PHF14: variants seen among roughly 807,000 people sequenced by gnomAD.
PHF14 encodes the protein PHD finger protein 14.
Under a neutral mutation model 117.9 loss-of-function variants are expected in PHF14, and 55 were observed. The observed-to-expected ratio is 0.47, with a 90% CI of 0.38 to 0.58. The LOEUF (loss-of-function observed/expected upper bound fraction) is 0.58, where lower values mean the gene tolerates loss of function less well. PHF14 is among the 20% of genes least tolerant of loss of function. The probability of loss-of-function intolerance (pLI) is 0.00; values close to 1 mark genes in which losing one functional copy is unlikely to be tolerated. For synonymous variants in PHF14, 409 were observed against 368.6 expected (o/e 1.11, Z -1.26); for missense variants, 978 against 1,122.2 (o/e 0.87, Z 1.84).
intron 16 of PHF14, among the ~76,000 whole-genome samples, chr7:11,075,564 G>GTTTTTTTTTTT: frequency 9.1e-6 from 1 of 110,012 alleles, no homozygotes. Flanking sequence ...AAGGAAAGAG[G>GTTTTTTTTTTT]TTTTTTTTTT....
intron 16 of PHF14, among the ~76,000 whole-genome samples, chr7:11,074,278 T>C (rs919499042): frequency 2.6e-5 from 4 of 151,762 alleles, no homozygotes; most frequent in African/African-American, 9.7e-5. Flanking sequence ...TGGCACGATC[T>C]CAGCTCACTG....
chr7:11,042,526 T>C (rs917649614), intron 12 of PHF14, among the ~76,000 whole-genome samples, 157 bp from the exon 13 acceptor site: 1 of 152,018 alleles, frequency 6.6e-6, no homozygotes, highest in African/African-American at 2.4e-5. Flanking sequence ...ACTGACATTG[T>C]AAAAAGATGT....
At chr7:11,035,568 C>A in intron 7 of PHF14, 72 bp from the exon 8 acceptor site, 2 of 881,710 alleles carry the variant, frequency 2.3e-6, no homozygotes, top group South Asian at 3.6e-5. Context: ...AAGTAATATT[C>A]TTTTGTGTTA....
intron 17 of PHF14, among the ~76,000 whole-genome samples, chr7:11,115,033 C>T (rs934906649): frequency 1.3e-5 from 2 of 151,954 alleles, no homozygotes; most frequent in Non-Finnish European, 2.9e-5. Context: ...CTTATTTTTC[C>T]CTTATTTCTT....
At chr7:10,991,946 T>C (rs1782471193) in intron 4 of PHF14, among the ~76,000 whole-genome samples, 1 of 151,406 alleles carries the variant, frequency 6.6e-6, no homozygotes, top group African/African-American at 2.4e-5. Context: ...AAATTATTTC[T>C]AGTTTTTAAA....
chr7:11,054,234 C>A (rs1180459974), intron 14 of PHF14, among the ~76,000 whole-genome samples: 2 of 151,840 alleles, frequency 1.3e-5, no homozygotes, highest in Non-Finnish European at 2.9e-5. Context: ...AGACTTTGGA[C>A]CCACCCTAGA....
rs541304388 is a variant in PHF14 at position 11,125,036 on chromosome 7, C to T, written c.2772+13569C>T. On this transcript the variant is annotated intron_variant, in intron 17 of 17. Transcript: ENST00000634607. The stretch of plus-strand genomic sequence containing the variant: ...GATGAGGTAACTCAACTCCTCAGGG[C>T]CCTTTCTTCATGAAATTCAATTAAA... Among the ~76,000 whole-genome samples, 5 of 152,070 alleles carry T rather than the reference C, an allele frequency of 3.3e-5. No individual in the cohort carries two copies. In the East Asian group the frequency reaches 9.7e-4, roughly 29 times the overall value.
At chr7:11,028,976 GAGTTTTGTC>G (rs1164287796) in intron 7 of PHF14, among the ~76,000 whole-genome samples, 158 bp downstream of exon 7, 24 of 152,098 alleles carry the variant, frequency 1.6e-4, no homozygotes, top group African/African-American at 5.6e-4. Context: ...AAATGCCTAT[GAGTTTTGTC>G]AGTTTTAAAG....
At chr7:11,118,352 C>A (rs1209759908) in intron 17 of PHF14, among the ~76,000 whole-genome samples, 1 of 151,782 alleles carries the variant, frequency 6.6e-6, no homozygotes, top group Non-Finnish European at 1.5e-5. Flanking sequence ...AGAACAAGGT[C>A]CTCAACTAAG....
At chr7:11,063,648 A>T (rs1361296657) in intron 16 of PHF14, 1 of 971,708 alleles carries the variant, frequency 1.0e-6, no homozygotes. Context: ...TAGGACTTAG[A>T]GGTTTTTATT....
At chr7:10,997,161 A>G (rs370158275) in intron 4 of PHF14, among the ~76,000 whole-genome samples, 4 of 152,282 alleles carry the variant, frequency 2.6e-5, no homozygotes, top group African/African-American at 7.2e-5. Flanking sequence ...ATACATACAC[A>G]TATAAGTTTT....
intron 13 of PHF14, among the ~76,000 whole-genome samples, chr7:11,048,759 A>G (rs1220795123): frequency 6.6e-6 from 1 of 152,212 alleles, no homozygotes; most frequent in Non-Finnish European, 1.5e-5. Flanking sequence ...GCTAAGAAGT[A>G]TTATGTCCAT....
At chr7:11,084,399 A>G (rs2906565) in intron 16 of PHF14, among the ~76,000 whole-genome samples, 57,457 of 151,834 alleles carry the variant, frequency 0.38, 11,648 homozygotes, top group East Asian at 0.85. Context: ...ATCATCATCC[A>G]TACTTCTTTC....
At chr7:11,095,234 T>C (rs769659618) in intron 16 of PHF14, among the ~76,000 whole-genome samples, 10 of 152,212 alleles carry the variant, frequency 6.6e-5, no homozygotes, top group Non-Finnish European at 1.3e-4. Flanking sequence ...CCTTAAACTC[T>C]ATAAGGTGGT....
chr7:11,010,429 A>C (rs1783308289), intron 4 of PHF14, among the ~76,000 whole-genome samples: 1 of 152,144 alleles, frequency 6.6e-6, no homozygotes, highest in Middle Eastern at 3.4e-3. Flanking sequence ...TGTGTGTTAT[A>C]GTCTAACTCC....
At chr7:11,104,390 T>C in intron 16 of PHF14, 2 of 960,390 alleles carry the variant, frequency 2.1e-6, no homozygotes, top group Non-Finnish European at 2.5e-6. Context: ...TTTCTCCTAA[T>C]AATCTCTTAA....
rs200659450 is a variant in PHF14 at position 10,982,715 on chromosome 7, A to G, written c.456A>G (p.Thr152=). The G allele has an allele frequency of 2.5e-6, 4 of 1,609,204 alleles. No homozygotes were observed. The South Asian group carries it at 4.4e-5, about 18-fold the overall frequency. Residue 152 remains threonine, a synonymous_variant, in exon 3 of 18, where the codon ACA becomes ACG. Coordinates refer to ENST00000634607, the MANE Select transcript of PHF14 (RefSeq NM_001007157.2). ...ENVAASAAAT[T]PATSPPAVNT... is the part of the protein sequence containing the mutation. ...TGGCTGCTTCTGCTGCTGCCACCAC[A>G]CCAGCCACAAGTCCTCCTGCTGTTA...
At chr7:11,123,139 A>G (rs1787823950) in intron 17 of PHF14, among the ~76,000 whole-genome samples, 1 of 151,998 alleles carries the variant, frequency 6.6e-6, no homozygotes, top group Non-Finnish European at 1.5e-5. Context: ...TGCAGTTGAT[A>G]GCATCTATAC....
intron 16 of PHF14, among the ~76,000 whole-genome samples, chr7:11,066,114 G>T (rs1439502440): frequency 6.6e-6 from 1 of 152,082 alleles, no homozygotes; most frequent in African/African-American, 2.4e-5. Context: ...AAACATTGTT[G>T]TTCGCACTTT....
Sources: allele counts gnomAD v4.1 joint callset (sites outside exome capture counted in the v4.1 genomes callset), GRCh38; gene constraint gnomAD v4.1.1; transcripts MANE v1.5; gene names NCBI Gene and HGNC (gene_info 2026-07-23, HGNC 2026-07-21).